Variants in KCNG4 observed in about 807,000 individuals in gnomAD.
KCNG4 encodes voltage-gated potassium channel regulatory subunit KCNG4.
A neutral mutation model predicts 28.2 loss-of-function variants in KCNG4; 30 were observed. That is an observed-to-expected ratio of 1.06 (90% CI 0.80 to 1.44). KCNG4 has a LOEUF of 1.44. Among genes scored for constraint, KCNG4 ranks in the 40% most tolerant of loss-of-function variants. KCNG4 has a pLI of 0.00. For missense variants in KCNG4, 879 were observed against 712.3 expected (o/e 1.23, Z -2.66); for synonymous variants, 375 against 315.5 (o/e 1.19, Z -2.00).
At chr16:84,235,399 G>A (rs1409750398) in intron 2 of KCNG4, 1 of 152,152 alleles carries the variant, frequency 6.6e-6, no homozygotes, top group Admixed American at 6.5e-5. Context: ...AAATATTTCT[G>A]TGAACAAGCA....
chr16:84,237,163 C>A lies in KCNG4; in HGVS notation c.323G>T (p.Ser108Ile), dbSNP rs1904986128. 1 of 1,614,062 alleles carries A rather than the reference C, an allele frequency of 6.2e-7. No individual in the cohort carries two copies. The highest frequency in any genetic ancestry group is 1.1e-5 in the South Asian group (1 of 91,088). ...VQLCDDYDEDSQEFFFDRSPS... is the reference protein window; with the variant it reads ...VQLCDDYDEDIQEFFFDRSPS... ...GCTCCTGTCGAAGAAGAACTCCTGGCTGTCCTCGTCGTAATCATCGCAGAG... is the reference window on the plus strand; with the variant it reads ...GCTCCTGTCGAAGAAGAACTCCTGGATGTCCTCGTCGTAATCATCGCAGAG... Residue 108 changes from serine to isoleucine, a missense_variant, in exon 2 of 3, where the codon AGC becomes ATC. Physicochemically the swap from Ser to Ile is moderately radical, Grantham distance 142. Transcript: ENST00000308251.
intron 2 of KCNG4, among the ~76,000 whole-genome samples, chr16:84,231,477 A>G (rs1904827331): frequency 6.6e-6 from 1 of 152,160 alleles, no homozygotes; most frequent in South Asian, 2.1e-4. Flanking sequence ...CTGAGGCCAC[A>G]TGGAGAGGGT....
rs1203479308 is a variant in KCNG4 at position 84,236,782 on chromosome 16, G to C, written c.704C>G (p.Ala235Gly). 2.5e-6 allele frequency: 4 copies of C among 1,613,718 alleles called. No homozygotes were observed. The highest frequency in any genetic ancestry group is 3.4e-6 in the Non-Finnish European group (4 of 1,180,042). The change falls in exon 2 of 3, where the codon GCC becomes GGC. Residue 235 changes from alanine (A) to glycine (G), a missense_variant. Physicochemically the swap from Ala to Gly is moderately conservative, Grantham distance 60 (BLOSUM62 0). Transcript: ENST00000308251. ...CATGGTGCTGACACACAGGCTGACG[G>C]CTGTGGTGGCCACGAAGAGGATGGA... ...CLSILFVATT[A>G]VSLCVSTMPD...
In KCNG4 at chr16:84,226,377, C is replaced by T. The variant is rs566948967; in HGVS notation, c.757-3357G>A. Among the ~76,000 whole-genome samples, 1 of 152,162 alleles carries T rather than the reference C, an allele frequency of 6.6e-6. No homozygotes were observed. The highest frequency in any genetic ancestry group is 2.1e-4 in the South Asian group (1 of 4,822). ...AGTGTAGGGATGGCCTGTGAAGGGC[C>T]ACGAGGGAGCTTTCTGGGGTCACAG... On this transcript the variant is annotated intron_variant, in intron 2 of 2. Transcript: ENST00000308251. The surrounding 1 kb of genome is among the most constrained non-coding windows in gnomAD (Gnocchi z 4.1).
intron 2 of KCNG4, among the ~76,000 whole-genome samples, chr16:84,225,830 C>T (rs548629192): frequency 1.2e-4 from 19 of 152,340 alleles, no homozygotes; most frequent in African/African-American, 3.8e-4. Flanking sequence ...TGCTCTGCCG[C>T]GTCACTGCAC....
At chr16:84,237,734 G>C (rs552682591) in intron 1 of KCNG4, among the ~76,000 whole-genome samples, 1 of 152,206 alleles carries the variant, frequency 6.6e-6, no homozygotes, top group Non-Finnish European at 1.5e-5. Context: ...CCCTTCCCTG[G>C]TGGAACCTCT....
chr16:84,239,093 G>T (rs1055395222), intron 1 of KCNG4, among the ~76,000 whole-genome samples: 7 of 152,130 alleles, frequency 4.6e-5, no homozygotes, highest in Admixed American at 1.3e-4. Flanking sequence ...ATTTTCAGAT[G>T]CACTCCACTC....
intron 2 of KCNG4, among the ~76,000 whole-genome samples, chr16:84,224,409 C>CACACACACAT (rs1555536149): frequency 1.8e-5 from 2 of 108,696 alleles, no homozygotes; most frequent in African/African-American, 3.1e-5. Context: ...TATTTACACA[C>CACACACACAT]ACACACACAC....
Position 84,219,595 on chromosome 16 carries a change from G to GC in KCNG4, c.*2621_*2622insG, listed in dbSNP as rs1904508111. 6.6e-6 allele frequency: 1 copy of GC among 151,890 alleles called. No homozygotes were observed. Among genetic ancestry groups the GC allele is most frequent in the Non-Finnish European group, 1.5e-5 (1 of 68,030 alleles). 9.4% of individuals were successfully genotyped at this position (151,890 alleles called of 1,614,324 possible). On this transcript the variant is annotated 3_prime_UTR_variant, in exon 3 of 3. Coordinates refer to ENST00000308251, the MANE Select transcript of KCNG4 (RefSeq NM_172347.3). Reference sequence around the variant, plus strand: ...TACAAAAAATTATCCAGGCGTGGTGGTGGCACCTGTAGTCACAGCTACTCA... The same window carrying GC: ...TACAAAAAATTATCCAGGCGTGGTGGCTGGCACCTGTAGTCACAGCTACTCA...
intron 2 of KCNG4, among the ~76,000 whole-genome samples, chr16:84,231,657 AG>A (rs1904830439): frequency 1.3e-5 from 2 of 152,100 alleles, no homozygotes; most frequent in Non-Finnish European, 2.9e-5. Flanking sequence ...TACCAGCAGA[AG>A]GTTGAGGTCC....
Position 84,222,219 on chromosome 16 carries a change from A to T in KCNG4, c.1558T>A (p.Ter520LysextTer17). The stretch of plus-strand genomic sequence containing the variant: ...ATGTAGTCATGGGGGGTGCTGAGTT[A>T]CATGTGCATGATAGGCAAGGCTGGG... ...EGPALPIMHM[*>K] is the part of the protein sequence containing the mutation. Residue 520 changes from the stop codon to lysine (K), a stop_lost, in exon 3 of 3, where the codon TAA (stop) becomes AAA (lysine). Transcript: ENST00000308251. 2 of 1,613,938 alleles carry T rather than the reference A, an allele frequency of 1.2e-6. No individual in the cohort carries two copies. The highest frequency in any genetic ancestry group is 1.7e-6 in the Non-Finnish European group (2 of 1,179,956).
At position 84,236,530 on chromosome 16, in the gene KCNG4, A is replaced by AG. The variant is rs566649121; in HGVS notation, c.756+199dup. 588 of 737,652 alleles carry AG rather than the reference A, an allele frequency of 8.0e-4. 9 individuals carry two copies. The South Asian group carries it at 0.012, about 15-fold the overall frequency. The allele number at this position is 737,652 out of a possible 1,614,324, so 45.7% of individuals were successfully genotyped here. ...GAGCCTTAGGCACTTTTGCCTTTGC[A>AG]GGACTCCAATAAAAAAAAAAAAGAT... is the stretch of plus-strand genomic sequence containing the variant. On this transcript the variant is annotated intron_variant, in intron 2 of 2. Coordinates refer to ENST00000308251, the MANE Select transcript of KCNG4 (RefSeq NM_172347.3).
intron 2 of KCNG4, among the ~76,000 whole-genome samples, chr16:84,233,966 G>T (rs1042637229): frequency 1.3e-5 from 2 of 152,092 alleles, no homozygotes; most frequent in Non-Finnish European, 2.9e-5. Flanking sequence ...GGTAGAAGTG[G>T]TATTCACTTC....
In KCNG4 at chr16:84,219,380, G is replaced by C. The variant is rs893471610; in HGVS notation, c.*2837C>G. The stretch of plus-strand genomic sequence containing the variant: ...GCCCAAGCCAGTCAGTCCCCAGAAA[G>C]AGAGTAAGTGGGAGACTTTGTCCTT... On this transcript the variant is annotated 3_prime_UTR_variant, in exon 3 of 3. Transcript: ENST00000308251. 6.6e-6 allele frequency: 1 copy of C among 152,308 alleles called. No individual in the cohort carries two copies. Among genetic ancestry groups the C allele is most frequent in the Non-Finnish European group, 1.5e-5 (1 of 68,076 alleles). The allele number at this position is 152,308 out of a possible 1,614,324, so 9.4% of individuals were successfully genotyped here. A position where few individuals can be genotyped will look rare whatever the true frequency, so the allele number is the denominator to read the frequency against.
Position 84,237,170 on chromosome 16 carries a change from C to T in KCNG4, c.316G>A (p.Glu106Lys), listed in dbSNP as rs1007304197. The change falls in exon 2 of 3, where the codon GAG becomes AAG. Residue 106 changes from glutamate to lysine, a missense_variant. Physicochemically the swap from Glu to Lys is moderately conservative, Grantham distance 56 (BLOSUM62 1). Coordinates refer to ENST00000308251, the MANE Select transcript of KCNG4 (RefSeq NM_172347.3). ...TCGAAGAAGAACTCCTGGCTGTCCTCGTCGTAATCATCGCAGAGCTGCACG... is the reference window on the plus strand; with the variant it reads ...TCGAAGAAGAACTCCTGGCTGTCCTTGTCGTAATCATCGCAGAGCTGCACG... ...EIVQLCDDYD[E>K]DSQEFFFDRS... 4 of 1,614,012 alleles carry T rather than the reference C, an allele frequency of 2.5e-6. No homozygotes were observed. The highest frequency in any genetic ancestry group is 2.2e-5 in the South Asian group (2 of 91,076).
Position 84,222,778 on chromosome 16 carries a change from C to A in KCNG4, c.999G>T (p.Gly333=). ...PSGSSYLEKV[G]LVLRVLRALR... is the part of the protein sequence containing the mutation. ...GCGCTCGCAGCACACGCAGGACCAG[C>A]CCCACCTTCTCCAGGTAGGAGCTCC... The change falls in exon 3 of 3, where the codon GGG becomes GGT. Residue 333 remains glycine, a synonymous_variant. Coordinates refer to ENST00000308251, the MANE Select transcript of KCNG4 (RefSeq NM_172347.3). 1 of 1,610,866 alleles carries A rather than the reference C, an allele frequency of 6.2e-7. No individual in the cohort carries two copies. Among genetic ancestry groups the A allele is most frequent in the Non-Finnish European group, 8.5e-7 (1 of 1,178,026 alleles).
At chr16:84,232,004 CAAAAAAAAA>C (rs11298495) in intron 2 of KCNG4, among the ~76,000 whole-genome samples, 1 of 100,100 alleles carries the variant, frequency 1.0e-5, no homozygotes, top group Non-Finnish European at 2.0e-5. Flanking sequence ...AACTCCATCT[CAAAAAAAAA>C]AAAAAAAAAA....
intron 2 of KCNG4, among the ~76,000 whole-genome samples, chr16:84,228,228 C>T (rs895609253): frequency 2.0e-5 from 3 of 152,234 alleles, no homozygotes; most frequent in African/African-American, 7.2e-5. Flanking sequence ...CAGTCTTGAC[C>T]TTGGAGACTT....
chr16:84,237,306 C>A lies in KCNG4; in HGVS notation c.180G>T (p.Glu60Asp). Residue 60 changes from glutamate (E) to aspartate (D), a missense_variant, in exon 2 of 3, where the codon GAG becomes GAT. Glu to Asp is a conservative substitution (Grantham distance 45, BLOSUM62 2). Transcript: ENST00000308251. ...LDASPVDLKK[E>D]ILINVGGRRY... ...TCCTGCCCCCCACGTTGATCAGGAT[C>A]TCCTTCTTCAGGTCCACTGGGGAGG... 6.3e-7 allele frequency: 1 copy of A among 1,596,476 alleles called. No individual in the cohort carries two copies. Among genetic ancestry groups the A allele is most frequent in the Non-Finnish European group, 8.5e-7 (1 of 1,170,364 alleles).
Sources: allele counts gnomAD v4.1 joint callset (sites outside exome capture counted in the v4.1 genomes callset), GRCh38; gene constraint gnomAD v4.1.1; non-coding constraint Gnocchi (gnomAD v3.1); transcripts MANE v1.5; gene names NCBI Gene and HGNC (gene_info 2026-07-23, HGNC 2026-07-21).